Variants in CACNA1A observed in about 807,000 individuals in gnomAD.
CACNA1A encodes voltage-dependent P/Q-type calcium channel subunit alpha-1A.
Under a neutral mutation model 262.4 loss-of-function variants are expected in CACNA1A, and 57 were observed. The observed-to-expected ratio is 0.22, with a 90% CI of 0.18 to 0.27. The LOEUF is 0.27. CACNA1A is among the 10% of genes least tolerant of loss of function. CACNA1A has a pLI of 1.00. For missense variants in CACNA1A, 2,526 were observed against 3,562.8 expected, an observed-to-expected ratio of 0.71 and a Z score of 7.41; for synonymous variants, 1,431 against 1,419.3, an observed-to-expected ratio of 1.01 and a Z score of -0.18.
At chr19:13,322,787 G>A (rs2058281433) in intron 10 of CACNA1A, among the ~76,000 whole-genome samples, 1 of 151,940 alleles carries the variant, frequency 6.6e-6, no homozygotes, top group Non-Finnish European at 1.5e-5. Context: ...GTAGAGATGG[G>A]GTTTCACCAT....
At chr19:13,404,608 T>C (rs1443755525) in intron 3 of CACNA1A, among the ~76,000 whole-genome samples, 2 of 152,152 alleles carry the variant, frequency 1.3e-5, no homozygotes. Flanking sequence ...GGAGAAAAGA[T>C]ACCAGGGCCG....
chr19:13,502,067 A>C (rs966826542), intron 1 of CACNA1A, among the ~76,000 whole-genome samples: 1 of 151,500 alleles, frequency 6.6e-6, no homozygotes, highest in Admixed American at 6.6e-5. Context: ...AGAACATTCT[A>C]TCTCTCAGGA....
At chr19:13,277,198 G>T in intron 22 of CACNA1A, 70 bp from the exon 23 acceptor site, 2 of 1,074,798 alleles carry the variant, frequency 1.9e-6, no homozygotes, top group Non-Finnish European at 2.9e-6. Flanking sequence ...TAAAACTAAC[G>T]ATCGCCTACT....
At chr19:13,221,838 CTTCT>C (rs2055244049) in intron 38 of CACNA1A, among the ~76,000 whole-genome samples, 1 of 152,140 alleles carries the variant, frequency 6.6e-6, no homozygotes, top group African/African-American at 2.4e-5. Context: ...GCCTCCTCTT[CTTCT>C]TTCCCCCTAA....
chr19:13,460,947 T>C (rs2061110608), intron 1 of CACNA1A, among the ~76,000 whole-genome samples: 1 of 152,188 alleles, frequency 6.6e-6, no homozygotes, highest in Admixed American at 6.5e-5. Context: ...CCCACGAGAC[T>C]GCACACTCTA....
intron 3 of CACNA1A, among the ~76,000 whole-genome samples, chr19:13,392,043 A>AG (rs1164081276): frequency 5.3e-5 from 8 of 150,848 alleles, no homozygotes; most frequent in African/African-American, 7.3e-5. Flanking sequence ...AAAAAAAAAA[A>AG]AAAAGAAAAA....
chr19:13,207,236 G>T lies in CACNA1A; in HGVS notation c.*77C>A. ...CGGGCCCTCTGTGCTGGGCCCCCGC[G>T]GCCTCTGCGCGGCTCCTCGGGTGGG... is the stretch of plus-strand genomic sequence containing the variant. On this transcript the variant is annotated 3_prime_UTR_variant, in exon 47 of 47. Transcript: ENST00000360228. The surrounding 1 kb of genome is among the most constrained non-coding windows in gnomAD (Gnocchi z 5.7). 7.2e-7 allele frequency: 1 copy of T among 1,396,766 alleles called. No homozygotes were observed. Among genetic ancestry groups the T allele is most frequent in the South Asian group, 1.4e-5 (1 of 69,602 alleles). The allele number at this position is 1,396,766 out of a possible 1,614,324, so 86.5% of individuals were successfully genotyped here. A position where few individuals can be genotyped will look rare whatever the true frequency, so the allele number is the denominator to read the frequency against.
chr19:13,493,053 G>GC (rs1470347127), intron 1 of CACNA1A, among the ~76,000 whole-genome samples: 9 of 152,294 alleles, frequency 5.9e-5, no homozygotes, highest in African/African-American at 1.9e-4. Flanking sequence ...AGAAGGGGAG[G>GC]CCGCCGCAGT....
intron 3 of CACNA1A, chr19:13,451,379 A>C (rs972481818): frequency 1.2e-4 from 19 of 152,230 alleles, no homozygotes; most frequent in African/African-American, 3.6e-4. Flanking sequence ...TACTATGAAA[A>C]AGGTGTCCAG....
intron 3 of CACNA1A, among the ~76,000 whole-genome samples, chr19:13,410,413 G>T (rs1241605959): frequency 4.0e-5 from 6 of 151,476 alleles, no homozygotes; most frequent in East Asian, 1.9e-4. Context: ...AATTTTTTTT[G>T]TAGAGATGGG....
rs530162333 is a variant in CACNA1A at position 13,409,637 on chromosome 19, C to T, written c.540-37858G>A. Among the ~76,000 whole-genome samples, 130 of 152,256 alleles carry T rather than the reference C, an allele frequency of 8.5e-4. 1 individual carries two copies. Among genetic ancestry groups the T allele is most frequent in the African/African-American group, 2.7e-3 (111 of 41,536 alleles). ...CTTGGCTCACTGCAACCTCCACCTT[C>T]AGGGCTCAAATGATCCTCCCGTTTT... On this transcript the variant is annotated intron_variant, in intron 3 of 46. Transcript: ENST00000360228.
Position 13,269,950 on chromosome 19 carries a change from TG to T in CACNA1A, c.3989+5899del, listed in dbSNP as rs538135715. Among the ~76,000 whole-genome samples the T allele has an allele frequency of 7.2e-5, 11 of 152,296 alleles. No individual in the cohort carries two copies. The South Asian group carries it at 2.3e-3, about 32-fold the overall frequency. ...TTGCTTTGACCCCAACAGGCCAGAA[TG>T]GCAAGGTTCCTTTCAACAAGGAAGG... On this transcript the variant is annotated intron_variant, in intron 24 of 46. Coordinates refer to ENST00000360228, the MANE Select transcript of CACNA1A (RefSeq NM_001127222.2).
At chr19:13,324,268 AT>A (rs1391189531) in intron 10 of CACNA1A, among the ~76,000 whole-genome samples, 3 of 152,176 alleles carry the variant, frequency 2.0e-5, no homozygotes, top group Non-Finnish European at 4.4e-5. Context: ...GAAGATGTTG[AT>A]CAAAGGGTAT....
At position 13,335,898 on chromosome 19, in the gene CACNA1A, G is replaced by C. The variant is rs1555767932; in HGVS notation, c.990C>G (p.Ala330=). ...ACAACCAGTTCCAAGTGTTCCCTGA[G>C]GCATCGTTGCTCTGTAGGGTGTGAG... ...WTDLLYNSND[A]SGNTWNWLYF... The change falls in exon 7 of 47, where the codon GCC becomes GCG. Residue 330 remains alanine, a synonymous_variant. Coordinates refer to ENST00000360228, the MANE Select transcript of CACNA1A (RefSeq NM_001127222.2). 4 of 1,601,682 alleles carry C rather than the reference G, an allele frequency of 2.5e-6. No homozygotes were observed. Among genetic ancestry groups the C allele is most frequent in the Non-Finnish European group, 3.4e-6 (4 of 1,173,238 alleles).
At chr19:13,500,159 G>C (rs992864292) in intron 1 of CACNA1A, among the ~76,000 whole-genome samples, 1 of 152,184 alleles carries the variant, frequency 6.6e-6, no homozygotes, top group Non-Finnish European at 1.5e-5. Flanking sequence ...ATCCTAAAAC[G>C]TTGGCACAAG....
chr19:13,369,232 G>T (rs956279007), intron 4 of CACNA1A, among the ~76,000 whole-genome samples: 1 of 152,114 alleles, frequency 6.6e-6, no homozygotes, highest in African/African-American at 2.4e-5. Flanking sequence ...ATTGCCCTTG[G>T]TGATCAAAAG....
intron 37 of CACNA1A, 34 bp downstream of exon 37, chr19:13,227,397 G>C (rs766646229): frequency 9.0e-7 from 1 of 1,107,326 alleles, no homozygotes; most frequent in Non-Finnish European, 1.3e-6. Context: ...AAAACCCAGT[G>C]CCTGGACGTC....
intron 12 of CACNA1A, among the ~76,000 whole-genome samples, chr19:13,310,475 A>ATATAT (rs2058001652): frequency 4.7e-5 from 2 of 42,176 alleles, no homozygotes; most frequent in African/African-American, 2.6e-4. Context: ...AAAAAAAAAA[A>ATATAT]AAAAAAAAAA....
At chr19:13,447,780 A>G (rs2060842605) in intron 3 of CACNA1A, among the ~76,000 whole-genome samples, 1 of 152,202 alleles carries the variant, frequency 6.6e-6, no homozygotes, top group African/African-American at 2.4e-5. Flanking sequence ...GGAAGCATTC[A>G]GCACAGGACA....
Sources: allele counts gnomAD v4.1 joint callset (sites outside exome capture counted in the v4.1 genomes callset), GRCh38; gene constraint gnomAD v4.1.1; non-coding constraint Gnocchi (gnomAD v3.1); transcripts MANE v1.5; gene names NCBI Gene and HGNC (gene_info 2026-07-23, HGNC 2026-07-21).